PTPRD: variants seen among roughly 807,000 people sequenced by gnomAD.
PTPRD encodes protein tyrosine phosphatase receptor type D.
A neutral mutation model predicts 214.5 loss-of-function variants in PTPRD; 34 were observed. The observed-to-expected ratio is 0.16, with a 90% CI of 0.12 to 0.21. The LOEUF is 0.21. Ranked by LOEUF, PTPRD falls within the 10% of genes least tolerant of loss-of-function variation. PTPRD has a pLI of 1.00. For synonymous variants in PTPRD, 1,128 were observed against 845.7 expected, an observed-to-expected ratio of 1.33 and a Z score of -5.79; for missense variants, 2,545 against 2,398.7, an observed-to-expected ratio of 1.06 and a Z score of -1.27.
intron 8 of PTPRD, among the ~76,000 whole-genome samples, chr9:9,531,347 A>T (rs1298465405): frequency 1.3e-5 from 2 of 152,164 alleles, no homozygotes; most frequent in African/African-American, 4.8e-5. Flanking sequence ...CTGAGAGAAT[A>T]TGTGGCATAT....
intron 11 of PTPRD, among the ~76,000 whole-genome samples, chr9:8,942,671 T>G (rs1184515543): frequency 6.6e-6 from 1 of 152,100 alleles, no homozygotes; most frequent in Non-Finnish European, 1.5e-5. Flanking sequence ...ATTTTTTTTT[T>G]GAAAGGGAAG....
chr9:8,684,111 CT>C (rs2154375086), intron 12 of PTPRD, among the ~76,000 whole-genome samples: 1 of 152,246 alleles, frequency 6.6e-6, no homozygotes, highest in South Asian at 2.1e-4. Context: ...CTGCTGCGCC[CT>C]ATCTGAATTA....
intron 7 of PTPRD, among the ~76,000 whole-genome samples, chr9:9,603,429 A>G (rs1399402570): frequency 1.3e-5 from 2 of 152,150 alleles, no homozygotes; most frequent in Non-Finnish European, 2.9e-5. Flanking sequence ...AAGGTTATAT[A>G]AGCCATATTA....
chr9:9,857,550 T>A (rs10978038), intron 5 of PTPRD, among the ~76,000 whole-genome samples: 19,959 of 152,134 alleles, frequency 0.13, 1,675 homozygotes, highest in Non-Finnish European at 0.18. Context: ...CACAGGATGC[T>A]GGCTCTGCTG....
intron 14 of PTPRD, among the ~76,000 whole-genome samples, chr9:8,573,651 A>G (rs1167637063): frequency 6.6e-6 from 1 of 151,846 alleles, no homozygotes; most frequent in South Asian, 2.1e-4. Flanking sequence ...CCTTTGTTTC[A>G]TTTCCTCTCC....
chr9:9,077,737 A>T (rs894184163), intron 10 of PTPRD, among the ~76,000 whole-genome samples: 2 of 152,074 alleles, frequency 1.3e-5, no homozygotes, highest in African/African-American at 4.8e-5. Flanking sequence ...CCACAGTTAA[A>T]CACACAGCTA....
intron 4 of PTPRD, among the ~76,000 whole-genome samples, chr9:10,009,633 C>A (rs558953841): frequency 6.6e-6 from 1 of 151,836 alleles, no homozygotes; most frequent in Admixed American, 6.6e-5. Flanking sequence ...CTGTTGAGAT[C>A]TTTAAAAGGT....
chr9:10,550,752 C>T (rs151337141), intron 2 of PTPRD, among the ~76,000 whole-genome samples: 20 of 152,268 alleles, frequency 1.3e-4, no homozygotes, highest in African/African-American at 4.8e-4. Flanking sequence ...TGGAAAGATG[C>T]AAAGAACTAT....
At chr9:9,878,611 T>G (rs958877636) in intron 5 of PTPRD, among the ~76,000 whole-genome samples, 1 of 152,180 alleles carries the variant, frequency 6.6e-6, no homozygotes, top group Non-Finnish European at 1.5e-5. Flanking sequence ...ACCTAAGTCC[T>G]GCGTACATTG....
At chr9:10,129,140 C>G (rs746455294) in intron 3 of PTPRD, among the ~76,000 whole-genome samples, 7 of 152,062 alleles carry the variant, frequency 4.6e-5, no homozygotes, top group Non-Finnish European at 1.0e-4. Flanking sequence ...GACCTTGCTG[C>G]TTCTTGTTTG....
At chr9:8,437,809 C>T (rs1458469754) in intron 34 of PTPRD, among the ~76,000 whole-genome samples, 1 of 152,134 alleles carries the variant, frequency 6.6e-6, no homozygotes, top group Non-Finnish European at 1.5e-5. Flanking sequence ...GTTCATTCAG[C>T]CAGCGGAAGA....
chr9:9,696,091 T>G (rs1267388589), intron 7 of PTPRD, among the ~76,000 whole-genome samples: 2 of 152,130 alleles, frequency 1.3e-5, no homozygotes, highest in Non-Finnish European at 2.9e-5. Context: ...TTTGCTCCAG[T>G]TTTCTATTTC....
chr9:9,928,106 C>T (rs547037651), intron 5 of PTPRD, among the ~76,000 whole-genome samples: 3 of 152,022 alleles, frequency 2.0e-5, no homozygotes, highest in Non-Finnish European at 4.4e-5. Flanking sequence ...TTGTAGTGCT[C>T]CAGAAAATAT....
At chr9:10,034,514 C>T (rs1341991758) in intron 3 of PTPRD, among the ~76,000 whole-genome samples, 1 of 144,500 alleles carries the variant, frequency 6.9e-6, no homozygotes, top group Non-Finnish European at 1.5e-5. Context: ...CCTATTATTT[C>T]ATTACCGGGG....
At chr9:9,398,641 T>C (rs982544704) in intron 8 of PTPRD, among the ~76,000 whole-genome samples, 25 of 152,204 alleles carry the variant, frequency 1.6e-4, no homozygotes, top group Middle Eastern at 3.4e-3. Context: ...TGTCCTTTAT[T>C]GATAAATGAT....
At chr9:8,655,942 A>G (rs1455523345) in intron 12 of PTPRD, among the ~76,000 whole-genome samples, 1 of 152,192 alleles carries the variant, frequency 6.6e-6, no homozygotes, top group African/African-American at 2.4e-5. Flanking sequence ...ACTATTGCCT[A>G]CTTAGTGCAG....
At chr9:10,574,813 C>CAT (rs143887636) in intron 2 of PTPRD, among the ~76,000 whole-genome samples, 48,553 of 136,090 alleles carry the variant, frequency 0.36, 8,233 homozygotes, top group East Asian at 0.54. Flanking sequence ...TATGTGTGTG[C>CAT]ATATATATAT....
At chr9:10,362,091 T>C (rs1005839110) in intron 2 of PTPRD, among the ~76,000 whole-genome samples, 11 of 152,204 alleles carry the variant, frequency 7.2e-5, no homozygotes, top group Admixed American at 5.2e-4. Flanking sequence ...GCTTAACTAA[T>C]GAGATGCTTC....
intron 3 of PTPRD, among the ~76,000 whole-genome samples, chr9:10,065,182 A>AGAAAGAAG (rs1555538063): frequency 6.6e-6 from 1 of 151,832 alleles, no homozygotes; most frequent in Non-Finnish European, 1.5e-5. Flanking sequence ...AAAGAAAGAA[A>AGAAAGAAG]GAAAGAAAGA....
Sources: allele counts gnomAD v4.1 joint callset (sites outside exome capture counted in the v4.1 genomes callset), GRCh38; gene constraint gnomAD v4.1.1; transcripts MANE v1.5; gene names NCBI Gene and HGNC (gene_info 2026-07-23, HGNC 2026-07-21).